Variants in PRPF6 observed in about 807,000 individuals in gnomAD.
PRPF6 encodes the protein pre-mRNA-processing factor 6.
In PRPF6, 42 loss-of-function variants were observed where a neutral mutation model predicts 118.3. The ratio of observed to expected loss-of-function variants is 0.35; its 90% confidence interval spans 0.28 to 0.46. The LOEUF is 0.46. Among genes scored for constraint, PRPF6 ranks in the 20% least tolerant of loss-of-function variants. The pLI is 1.00. For missense variants in PRPF6, 662 were observed against 1,255.7 expected (o/e 0.53, Z 7.15); for synonymous variants, 481 against 485.1 (o/e 0.99, Z 0.11).
intron 13 of PRPF6, among the ~76,000 whole-genome samples, chr20:64,023,872 C>T (rs942592895): frequency 3.3e-5 from 5 of 152,346 alleles, no homozygotes; most frequent in African/African-American, 9.6e-5. Flanking sequence ...TGCCTTCTCC[C>T]GAGTGCATGC....
intron 3 of PRPF6, among the ~76,000 whole-genome samples, chr20:63,986,455 A>G (rs1054963681): frequency 6.6e-6 from 1 of 151,776 alleles, no homozygotes; most frequent in African/African-American, 2.4e-5. Context: ...GTTATACATC[A>G]TATCAACAGA....
chr20:64,031,431 C>CTT (rs2059313199), intron 19 of PRPF6, among the ~76,000 whole-genome samples: 1 of 152,114 alleles, frequency 6.6e-6, no homozygotes, highest in Admixed American at 6.6e-5. Flanking sequence ...AATCCCAGCA[C>CTT]TGGGAGGCTG....
chr20:64,022,938 A>G, intron 13 of PRPF6, 60 bp downstream of exon 13: 1 of 1,612,276 alleles, frequency 6.2e-7, no homozygotes. Context: ...CCATTTGTGT[A>G]GCCCTGAATT....
chr20:64,001,287 C>T, intron 9 of PRPF6, 48 bp downstream of exon 9: 1 of 1,598,476 alleles, frequency 6.3e-7, no homozygotes, highest in South Asian at 1.1e-5. Context: ...GGGGCCCCTC[C>T]TCTCAGCAGC....
Position 64,027,509 on chromosome 20 carries a change from C to T in PRPF6, c.2206-94C>T. The T allele has an allele frequency of 1.9e-6, 3 of 1,563,248 alleles. No homozygotes were observed. The highest frequency in any genetic ancestry group is 2.2e-5 in the East Asian group (1 of 44,588). ...CCATGGACATGGCAGCCCTGAGGGA[C>T]TCGGTCACCCACTGCAGATGAGAAG... On this transcript the variant is annotated intron_variant, in intron 16 of 20. Coordinates refer to ENST00000266079, the MANE Select transcript of PRPF6 (RefSeq NM_012469.4). This position sits in a 1 kb window ranked among gnomAD's most constrained non-coding sequence, Gnocchi z 6.5.
chr20:64,013,363 A>C (rs887742856), intron 11 of PRPF6, among the ~76,000 whole-genome samples: 1 of 152,224 alleles, frequency 6.6e-6, no homozygotes, highest in African/African-American at 2.4e-5. Flanking sequence ...TCTCAAGAAA[A>C]ATAAATAATG....
At chr20:64,025,783 T>C (rs1212620544) in intron 14 of PRPF6, among the ~76,000 whole-genome samples, 156 bp from the exon 15 acceptor site, 2 of 152,234 alleles carry the variant, frequency 1.3e-5, no homozygotes, top group Non-Finnish European at 2.9e-5. Context: ...TGGAGTCGGC[T>C]CTGTCATCTC....
intron 6 of PRPF6, among the ~76,000 whole-genome samples, chr20:63,995,820 C>A (rs1601514449): frequency 6.6e-6 from 1 of 152,022 alleles, no homozygotes; most frequent in Non-Finnish European, 1.5e-5. Flanking sequence ...CCACACCCGG[C>A]TAATTTTTGT....
chr20:63,986,364 AG>A (rs1489233297), intron 3 of PRPF6, among the ~76,000 whole-genome samples: 5 of 151,762 alleles, frequency 3.3e-5, no homozygotes, highest in African/African-American at 7.2e-5. Flanking sequence ...AAAAAAAAAA[AG>A]ATCGTTCATC....
At chr20:64,006,174 C>T (rs183667789) in intron 9 of PRPF6, among the ~76,000 whole-genome samples, 3 of 152,282 alleles carry the variant, frequency 2.0e-5, no homozygotes, top group Admixed American at 2.0e-4. Context: ...TAGTCTCCCA[C>T]AGTGGGTGGC....
intron 13 of PRPF6, among the ~76,000 whole-genome samples, chr20:64,024,288 AG>A (rs1296595788): frequency 6.6e-6 from 1 of 152,156 alleles, no homozygotes; most frequent in African/African-American, 2.4e-5. Context: ...CGGCTGTAAA[AG>A]GTTCTCTTGT....
chr20:63,997,255 A>T (rs992304193), intron 6 of PRPF6, among the ~76,000 whole-genome samples: 1 of 149,224 alleles, frequency 6.7e-6, no homozygotes, highest in Non-Finnish European at 1.5e-5. Flanking sequence ...GCTTATTTCA[A>T]TTAGCTCATG....
chr20:63,999,897 A>T, intron 8 of PRPF6, 138 bp downstream of exon 8: 1 of 1,147,544 alleles, frequency 8.7e-7, no homozygotes, highest in Non-Finnish European at 1.2e-6. Context: ...GAGGATGTGA[A>T]AAGCAGCCAA....
intron 9 of PRPF6, among the ~76,000 whole-genome samples, chr20:64,001,701 C>T (rs2059167108): frequency 6.6e-6 from 1 of 152,260 alleles, no homozygotes; most frequent in African/African-American, 2.4e-5. Context: ...TTTCCTGCTG[C>T]TGACGAGGCT....
At chr20:63,987,665 A>G (rs534980845) in intron 3 of PRPF6, among the ~76,000 whole-genome samples, 1 of 152,216 alleles carries the variant, frequency 6.6e-6, no homozygotes, top group African/African-American at 2.4e-5. Flanking sequence ...AAGTTAAATT[A>G]TCCTTGTTTG....
rs769227113 is a variant in PRPF6, at chr20:63,981,312, C to A, written c.67C>A (p.Arg23=). ...CCTCGGCTACGTGCCGGGGCTGGGCCGGGGGTGAGGCCTGGGGCGGCGCGC... is the reference window on the plus strand; with the variant it reads ...CCTCGGCTACGTGCCGGGGCTGGGCAGGGGGTGAGGCCTGGGGCGGCGCGC... ...APLGYVPGLG[R]GATGFTTRSD... The change falls in exon 1 of 21, where the codon CGG becomes AGG. Residue 23 remains arginine (R), a synonymous_variant. Transcript: ENST00000266079. The A allele has an allele frequency of 1.3e-6, 2 of 1,597,266 alleles. No homozygotes were observed. Among genetic ancestry groups the A allele is most frequent in the Non-Finnish European group, 1.7e-6 (2 of 1,172,266 alleles).
intron 3 of PRPF6, among the ~76,000 whole-genome samples, chr20:63,986,572 T>A (rs1221370791): frequency 7.0e-6 from 1 of 142,676 alleles, no homozygotes; most frequent in East Asian, 2.4e-4. Context: ...CACTGCAACC[T>A]CCACCTCCTG....
chr20:64,007,960 A>G (rs2059198146), intron 9 of PRPF6, among the ~76,000 whole-genome samples: 1 of 152,142 alleles, frequency 6.6e-6, no homozygotes, highest in African/African-American at 2.4e-5. Context: ...TATTTTTAGT[A>G]GAGACAAGGT....
chr20:63,981,652 C>CA (rs1481135687), intron 1 of PRPF6, among the ~76,000 whole-genome samples: 1 of 143,806 alleles, frequency 7.0e-6, no homozygotes. Context: ...CTCCCCCCCC[C>CA]CGCCCGCCCG....
Sources: allele counts gnomAD v4.1 joint callset (sites outside exome capture counted in the v4.1 genomes callset), GRCh38; gene constraint gnomAD v4.1.1; non-coding constraint Gnocchi (gnomAD v3.1); transcripts MANE v1.5; gene names NCBI Gene and HGNC (gene_info 2026-07-23, HGNC 2026-07-21).